The following HDC variants were observed in gnomAD, a reference collection of about 807,000 sequenced individuals.
HDC encodes the protein histidine decarboxylase.
HDC carries 27 observed loss-of-function variants against 64.4 expected under a neutral mutation model. That is an observed-to-expected ratio of 0.42 (90% CI 0.31 to 0.58). HDC has a LOEUF of 0.58. HDC is among the 20% of genes least tolerant of loss of function. The pLI is 0.16. For missense variants in HDC, 711 were observed against 833.9 expected (o/e 0.85, Z 1.81); for synonymous variants, 305 against 314.2 (o/e 0.97, Z 0.31).
Position 50,265,715 on chromosome 15 carries a change from T to C in HDC, c.-92A>G. On this transcript the variant is annotated 5_prime_UTR_variant, in exon 1 of 12. Coordinates refer to ENST00000267845, the MANE Select transcript of HDC (RefSeq NM_002112.4). ...AGCAGCCCGGCTTCCCTCTTGCCAG[T>C]CCTGCGCACTCCCTGGCAGCCAGTG... 8.0e-6 allele frequency: 9 copies of C among 1,128,574 alleles called. No homozygotes were observed. The South Asian group carries it at 1.0e-4, about 13-fold the overall frequency. The allele number at this position is 1,128,574 out of a possible 1,614,324, so 69.9% of individuals were successfully genotyped here. A position where few individuals can be genotyped will look rare whatever the true frequency, so the allele number is the denominator to read the frequency against.
At chr15:50,243,528 C>G (rs2045432197) in intron 10 of HDC, among the ~76,000 whole-genome samples, 2 of 152,226 alleles carry the variant, frequency 1.3e-5, no homozygotes. Context: ...GCTTTGCAGT[C>G]CAGGCAACCC....
In HDC at chr15:50,251,352, T is replaced by G. The variant is rs1292211349; in HGVS notation, c.1041+1078A>C. ...AGCACTTGCCACACGGCTATTTTGCTAGGTGATCCACACGTGTTCCCATTT... is the reference window on the plus strand; with the variant it reads ...AGCACTTGCCACACGGCTATTTTGCGAGGTGATCCACACGTGTTCCCATTT... On this transcript the variant is annotated intron_variant, in intron 9 of 11. Transcript: ENST00000267845. 2.0e-5 allele frequency among the ~76,000 whole-genome samples: 3 copies of G among 152,190 alleles called. No homozygotes were observed. In the East Asian group the frequency reaches 5.8e-4, roughly 29 times the overall value.
At chr15:50,258,882 C>T (rs1249117841) in intron 2 of HDC, among the ~76,000 whole-genome samples, 2 of 151,944 alleles carry the variant, frequency 1.3e-5, no homozygotes, top group South Asian at 2.1e-4. Flanking sequence ...AAGGGCAGGC[C>T]GGGTGCGGTG....
At chr15:50,257,019 ATGCTGTTAAT>A (rs1488690700) in intron 4 of HDC, among the ~76,000 whole-genome samples, 1 of 152,220 alleles carries the variant, frequency 6.6e-6, no homozygotes, top group African/African-American at 2.4e-5. Context: ...TAATCAGTTT[ATGCTGTTAAT>A]TGCTCTCACT....
intron 9 of HDC, among the ~76,000 whole-genome samples, chr15:50,252,174 GC>G (rs544560916): frequency 6.6e-6 from 1 of 152,204 alleles, no homozygotes; most frequent in South Asian, 2.1e-4. Flanking sequence ...ATTAAAAAAT[GC>G]CACAAATATT....
chr15:50,254,660 G>C lies in HDC; in HGVS notation c.446C>G (p.Thr149Arg), dbSNP rs751827833. ...GGCAATCAAAGTGGATTCACTGACC[G>C]TGCTCTGCAGGGGAAAAGGATTATC... ...SSQGGGVLQSTVSESTLIALL... is the reference protein window; with the variant it reads ...SSQGGGVLQSRVSESTLIALL... The change falls in exon 5 of 12, where the codon ACG becomes AGG. Residue 149 changes from threonine to arginine, a missense_variant. By Grantham distance (71) the Thr-to-Arg change is moderately conservative (BLOSUM62 -1). Transcript: ENST00000267845. The C allele has an allele frequency of 1.2e-6, 2 of 1,614,004 alleles. No individual in the cohort carries two copies. Among genetic ancestry groups the C allele is most frequent in the South Asian group, 2.2e-5 (2 of 91,058 alleles).
Position 50,242,233 on chromosome 15 carries a change from C to T in HDC, c.*27G>A, listed in dbSNP as rs759058992. 9.4e-6 allele frequency: 15 copies of T among 1,598,204 alleles called. No homozygotes were observed. In the East Asian group the frequency reaches 1.1e-4, roughly 12 times the overall value. On this transcript the variant is annotated 3_prime_UTR_variant, in exon 12 of 12. Coordinates refer to ENST00000267845, the MANE Select transcript of HDC (RefSeq NM_002112.4). ...GTTCACAGAGTCCCTGAAGTATATC[C>T]TCAGACTCTGGCTGAAGGCCCTGTG...
Position 50,257,502 on chromosome 15 carries a change from A to G in HDC, c.364T>C (p.Trp122Arg), listed in dbSNP as rs1357094872. 1 of 1,614,220 alleles carries G rather than the reference A, an allele frequency of 6.2e-7. No homozygotes were observed. The highest frequency in any genetic ancestry group is 8.5e-7 in the Non-Finnish European group (1 of 1,180,030). The change falls in exon 4 of 12, where the codon TGG becomes CGG. Residue 122 changes from tryptophan to arginine, a missense_variant. Around this residue, in one of 3 missense-constraint regions of HDC, gnomAD observed 225 missense variants for 276.2 expected, o/e 0.81. Transcript: ENST00000267845. ...GGAAGTCCCAGCATTTTTGCCAACC[A>G]GTCCATGACGTTCATCTCCAGCTCT... ...CTELEMNVMD[W>R]LAKMLGLPEH... is the part of the protein sequence containing the mutation.
At position 50,241,987 on chromosome 15, in the gene HDC, T is replaced by C; in HGVS notation, c.*273A>G. The stretch of plus-strand genomic sequence containing the variant: ...AAGCATAATTTATTTCTGTGTTATA[T>C]ATCATGTCACAAGCTGAACCACAGA... On this transcript the variant is annotated 3_prime_UTR_variant, in exon 12 of 12. Transcript: ENST00000267845. 1.8e-6 allele frequency: 1 copy of C among 552,946 alleles called. No individual in the cohort carries two copies. The highest frequency in any genetic ancestry group is 3.1e-5 in the Admixed American group (1 of 32,016). The allele number at this position is 552,946 out of a possible 1,614,324, so 34.3% of individuals were successfully genotyped here. A position where few individuals can be genotyped will look rare whatever the true frequency, so the allele number is the denominator to read the frequency against.
chr15:50,262,696 A>AGG, intron 2 of HDC, among the ~76,000 whole-genome samples: 1 of 152,182 alleles, frequency 6.6e-6, no homozygotes, highest in Non-Finnish European at 1.5e-5. Flanking sequence ...AGGGGACAGG[A>AGG]GGGGTTGCCA....
rs1201889717 is a variant in HDC, at chr15:50,242,643, T to C, written c.1606A>G (p.Arg536Gly). 1.9e-6 allele frequency: 3 copies of C among 1,614,178 alleles called. No individual in the cohort carries two copies. Among genetic ancestry groups the C allele is most frequent in the Non-Finnish European group, 1.7e-6 (2 of 1,180,024 alleles). Residue 536 changes from arginine (R) to glycine (G), a missense_variant, in exon 12 of 12, where the codon AGG (arginine) becomes GGG (glycine). Physicochemically the swap from Arg to Gly is moderately radical, Grantham distance 125. Around this residue, in one of 3 missense-constraint regions of HDC, gnomAD observed 483 missense variants for 540.9 expected, o/e 0.89. Coordinates refer to ENST00000267845, the MANE Select transcript of HDC (RefSeq NM_002112.4). Reference sequence around the variant, plus strand: ...GTTTCAAGATGGAGGCCATTTTCCCTTTTCATGGGACCGGCTCCCACACGC... The same window carrying C: ...GTTTCAAGATGGAGGCCATTTTCCCCTTTCATGGGACCGGCTCCCACACGC... ...PQRVGAGPMK[R>G]ENGLHLETLL...
At chr15:50,256,539 C>A (rs2045634381) in intron 4 of HDC, among the ~76,000 whole-genome samples, 1 of 152,156 alleles carries the variant, frequency 6.6e-6, no homozygotes, top group Admixed American at 6.5e-5. Flanking sequence ...CAGGCACATG[C>A]CACCACACCC....
rs1398879111 is a variant in HDC, at chr15:50,248,107, G to A, written c.1140+138C>T. The A allele has an allele frequency of 3.1e-5, 22 of 699,462 alleles. No homozygotes were observed. In the East Asian group the frequency reaches 6.0e-4, roughly 19 times the overall value. The allele number at this position is 699,462 out of a possible 1,614,324, so 43.3% of individuals were successfully genotyped here. On this transcript the variant is annotated intron_variant, in intron 10 of 11. Coordinates refer to ENST00000267845, the MANE Select transcript of HDC (RefSeq NM_002112.4). This position sits in a 1 kb window ranked among gnomAD's most constrained non-coding sequence, Gnocchi z 4.3. ...GTTAACAAAGAGAATCAAGTCCCAGGAGCTGAGGAACAGGCCCAGACACCT... is the reference window on the plus strand; with the variant it reads ...GTTAACAAAGAGAATCAAGTCCCAGAAGCTGAGGAACAGGCCCAGACACCT...
intron 9 of HDC, among the ~76,000 whole-genome samples, chr15:50,250,791 A>C (rs1229342893): frequency 1.3e-5 from 2 of 152,124 alleles, no homozygotes; most frequent in Non-Finnish European, 1.5e-5. Context: ...AGTGGAGATA[A>C]AGAACCATTA....
chr15:50,260,145 C>A (rs1423590907), intron 2 of HDC, among the ~76,000 whole-genome samples: 3 of 152,014 alleles, frequency 2.0e-5, no homozygotes, highest in African/African-American at 7.3e-5. Flanking sequence ...CCTCAGCCTC[C>A]CAAGTAGCTG....
At chr15:50,253,257 A>G in intron 7 of HDC, 2 of 395,552 alleles carry the variant, frequency 5.1e-6, no homozygotes, top group Non-Finnish European at 9.5e-6. Context: ...AATAGAAAGC[A>G]TTTCTATTCT....
At chr15:50,253,298 C>T (rs539058152) in intron 7 of HDC, 2 of 464,020 alleles carry the variant, frequency 4.3e-6, no homozygotes, top group African/African-American at 2.0e-5. Flanking sequence ...TTGGATATAG[C>T]CTGCATTAAG....
chr15:50,249,784 A>C (rs1223415350), intron 9 of HDC, among the ~76,000 whole-genome samples: 1 of 152,184 alleles, frequency 6.6e-6, no homozygotes, highest in Non-Finnish European at 1.5e-5. Flanking sequence ...GAGCTACTTT[A>C]TTTTACCAGC....
At chr15:50,243,767 T>C (rs1338829493) in intron 10 of HDC, among the ~76,000 whole-genome samples, 2 of 152,236 alleles carry the variant, frequency 1.3e-5, no homozygotes, top group African/African-American at 2.4e-5. Context: ...CTTCTCACCC[T>C]GTACCCCAAA....
Sources: allele counts gnomAD v4.1 joint callset (sites outside exome capture counted in the v4.1 genomes callset), GRCh38; gene constraint gnomAD v4.1.1; regional missense constraint gnomAD v4.1.1; non-coding constraint Gnocchi (gnomAD v3.1); transcripts MANE v1.5; gene names NCBI Gene and HGNC (gene_info 2026-07-23, HGNC 2026-07-21).